XKR4: variants seen among roughly 807,000 people sequenced by gnomAD.
XKR4 encodes XK related 4, also known as XK-related protein 4.
A neutral mutation model predicts 53.9 loss-of-function variants in XKR4; 12 were observed. The ratio of observed to expected loss-of-function variants is 0.22; its 90% CI spans 0.14 to 0.36. The LOEUF is 0.36. Ranked by LOEUF, XKR4 falls within the 10% of genes least tolerant of loss-of-function variation. The probability of loss-of-function intolerance (pLI) is 1.00; values close to 1 mark genes in which losing one functional copy is unlikely to be tolerated. For synonymous variants in XKR4, 354 were observed against 362.4 expected, an observed-to-expected ratio of 0.98 and a Z score of 0.26; for missense variants, 799 against 859.5, an observed-to-expected ratio of 0.93 and a Z score of 0.88.
chr8:55,189,649 AT>A (rs1817419110), intron 1 of XKR4, among the ~76,000 whole-genome samples: 1 of 152,186 alleles, frequency 6.6e-6, no homozygotes, highest in Admixed American at 6.5e-5. Context: ...GGTGACAGGA[AT>A]TTTTTAGCTT....
chr8:55,212,900 G>T (rs901230572), intron 1 of XKR4, among the ~76,000 whole-genome samples: 2 of 152,080 alleles, frequency 1.3e-5, no homozygotes, highest in Non-Finnish European at 2.9e-5. Context: ...TAAAATATTA[G>T]AATTATTTAT....
At chr8:55,210,256 G>A (rs1817712908) in intron 1 of XKR4, among the ~76,000 whole-genome samples, 1 of 151,890 alleles carries the variant, frequency 6.6e-6, no homozygotes. Context: ...GGCTAATTTT[G>A]TATTTTTAGT....
At chr8:55,430,392 C>T (rs1805084564) in intron 2 of XKR4, among the ~76,000 whole-genome samples, 1 of 152,176 alleles carries the variant, frequency 6.6e-6, no homozygotes, top group Non-Finnish European at 1.5e-5. Context: ...AAACTGGAAA[C>T]AATCTACATT....
intron 1 of XKR4, among the ~76,000 whole-genome samples, chr8:55,154,715 T>A (rs1027347630): frequency 1.3e-5 from 2 of 152,192 alleles, no homozygotes; most frequent in Non-Finnish European, 2.9e-5. Context: ...CCCTGCACTT[T>A]AATAGAGACA....
At chr8:55,247,571 T>A (rs184650600) in intron 1 of XKR4, among the ~76,000 whole-genome samples, 1 of 152,240 alleles carries the variant, frequency 6.6e-6, no homozygotes, top group Admixed American at 6.5e-5. Context: ...GAAAGCTGGA[T>A]CTTACAACTA....
In XKR4 at chr8:55,539,564, G is replaced by C. The variant is rs1340626602; in HGVS notation, c.*15337G>C. On this transcript the variant is annotated 3_prime_UTR_variant, in exon 3 of 3. Transcript: ENST00000327381. ...CTTTCTGAAGCATGAATTTAACCTA[G>C]GCAATTATCTGATTCATTTTTTTTA... 6.6e-6 allele frequency: 1 copy of C among 152,024 alleles called. No homozygotes were observed. The highest frequency in any genetic ancestry group is 2.4e-5 in the African/African-American group (1 of 41,392). The allele number at this position is 152,024 out of a possible 1,614,324, so 9.4% of individuals were successfully genotyped here. A position where few individuals can be genotyped will look rare whatever the true frequency, so the allele number is the denominator to read the frequency against.
intron 1 of XKR4, among the ~76,000 whole-genome samples, chr8:55,309,440 A>G (rs1819358171): frequency 6.6e-6 from 1 of 152,232 alleles, no homozygotes; most frequent in African/African-American, 2.4e-5. Context: ...GAGGGAATAG[A>G]TGTCATTATA....
intron 1 of XKR4, among the ~76,000 whole-genome samples, chr8:55,282,601 T>C (rs1818858003): frequency 6.6e-6 from 1 of 152,150 alleles, no homozygotes; most frequent in Non-Finnish European, 1.5e-5. Flanking sequence ...AACTCATTCA[T>C]TACTCTGAGG....
intron 2 of XKR4, among the ~76,000 whole-genome samples, chr8:55,476,329 G>A (rs1324583973): frequency 6.6e-6 from 1 of 152,078 alleles, no homozygotes; most frequent in Non-Finnish European, 1.5e-5. Context: ...GGAAGGGATA[G>A]GAATTCTAGA....
At chr8:55,480,704 A>T (rs187077857) in intron 2 of XKR4, among the ~76,000 whole-genome samples, 111,468 of 146,310 alleles carry the variant, frequency 0.76, 43,261 homozygotes, top group African/African-American at 0.91. Flanking sequence ...TTCAGCAAAG[A>T]CTCAGGATAC....
chr8:55,432,962 G>A lies in XKR4; in HGVS notation c.1006+75085G>A, dbSNP rs1303801537. ...GGGTCTTCACTCATGTCCTGCTCTCGTGATCATGGCCTGCCCTCTGTGTCC... is the reference window on the plus strand; with the variant it reads ...GGGTCTTCACTCATGTCCTGCTCTCATGATCATGGCCTGCCCTCTGTGTCC... On this transcript the variant is annotated intron_variant, in intron 2 of 2. Transcript: ENST00000327381. 3.9e-5 allele frequency among the ~76,000 whole-genome samples: 6 copies of A among 152,164 alleles called. No individual in the cohort carries two copies. The South Asian group carries it at 6.2e-4, about 16-fold the overall frequency.
intron 2 of XKR4, chr8:55,452,097 G>C (rs1805458186): frequency 1.4e-6 from 1 of 698,142 alleles, no homozygotes; most frequent in Admixed American, 2.0e-5. Context: ...TGTGTAGGTA[G>C]AGCCCAGGGT....
intron 1 of XKR4, among the ~76,000 whole-genome samples, chr8:55,150,751 T>G (rs1816830948): frequency 6.6e-6 from 1 of 152,188 alleles, no homozygotes; most frequent in Non-Finnish European, 1.5e-5. Context: ...TTATGTGTTT[T>G]TATACCCCAG....
At chr8:55,392,867 T>G (rs569527929) in intron 2 of XKR4, among the ~76,000 whole-genome samples, 1 of 152,016 alleles carries the variant, frequency 6.6e-6, no homozygotes, top group African/African-American at 2.4e-5. Flanking sequence ...TTCAACATTT[T>G]GGAATTAACT....
intron 2 of XKR4, among the ~76,000 whole-genome samples, chr8:55,488,304 C>G (rs1042783818): frequency 1.3e-5 from 2 of 152,172 alleles, no homozygotes; most frequent in Non-Finnish European, 2.9e-5. Flanking sequence ...TAAACATGCT[C>G]TTATCATATG....
intron 2 of XKR4, 69 bp from the exon 3 acceptor site, chr8:55,523,212 C>G (rs928889491): frequency 2.2e-6 from 3 of 1,377,120 alleles, no homozygotes; most frequent in African/African-American, 1.5e-5. Context: ...GCCCCCAGCT[C>G]TGTGTGACTT....
At chr8:55,113,722 C>T (rs570652848) in intron 1 of XKR4, among the ~76,000 whole-genome samples, 25 of 152,246 alleles carry the variant, frequency 1.6e-4, no homozygotes, top group Admixed American at 2.6e-4. Context: ...TCCTCGTGCC[C>T]CTTCCACCCT....
chr8:55,183,925 T>A (rs979678696), intron 1 of XKR4, among the ~76,000 whole-genome samples: 6 of 152,190 alleles, frequency 3.9e-5, no homozygotes, highest in Non-Finnish European at 8.8e-5. Context: ...ATTAGGTGTG[T>A]ACACATTGAG....
At chr8:55,330,851 T>C (rs1173081797) in intron 1 of XKR4, among the ~76,000 whole-genome samples, 1 of 152,156 alleles carries the variant, frequency 6.6e-6, no homozygotes, top group East Asian at 1.9e-4. Context: ...AGGACTGCAG[T>C]ATTGGCTCAC....
Sources: allele counts gnomAD v4.1 joint callset (sites outside exome capture counted in the v4.1 genomes callset), GRCh38; gene constraint gnomAD v4.1.1; transcripts MANE v1.5; gene names NCBI Gene and HGNC (gene_info 2026-07-23, HGNC 2026-07-21).